NCAM2: variants seen among roughly 807,000 people sequenced by gnomAD.
NCAM2 encodes the protein N-CAM-2.
A neutral mutation model predicts 98.1 loss-of-function variants in NCAM2; 30 were observed. The observed-to-expected ratio is 0.31, with a 90% CI of 0.23 to 0.41. The LOEUF is 0.41. Among genes scored for constraint, NCAM2 ranks in the 10% least tolerant of loss-of-function variants. NCAM2 has a pLI of 1.00. For synonymous variants in NCAM2, 368 were observed against 342.4 expected, an observed-to-expected ratio of 1.07 and a Z score of -0.83; for missense variants, 867 against 1,005.8, an observed-to-expected ratio of 0.86 and a Z score of 1.87.
chr21:21,014,300 TGTAGTTC>T (rs1348097315), intron 1 of NCAM2, among the ~76,000 whole-genome samples: 1 of 151,998 alleles, frequency 6.6e-6, no homozygotes, highest in South Asian at 2.1e-4. Flanking sequence ...GGTGCACACC[TGTAGTTC>T]CAGCTACTCT....
chr21:21,411,582 T>A (rs2076888868), intron 10 of NCAM2, among the ~76,000 whole-genome samples: 1 of 152,184 alleles, frequency 6.6e-6, no homozygotes, highest in African/African-American at 2.4e-5. Context: ...TAAAAAAATC[T>A]ATGAAAATGA....
intron 9 of NCAM2, among the ~76,000 whole-genome samples, chr21:21,390,137 C>T (rs111786298): frequency 3.9e-5 from 6 of 152,070 alleles, no homozygotes; most frequent in Middle Eastern, 3.2e-3. Context: ...TGCGAGCCAC[C>T]GCGCCACCTG....
chr21:21,240,491 G>T (rs1036738410), intron 1 of NCAM2, among the ~76,000 whole-genome samples: 2 of 151,996 alleles, frequency 1.3e-5, no homozygotes, highest in African/African-American at 4.8e-5. Context: ...TCAGTTTTCT[G>T]TCTCTTTACC....
chr21:21,283,198 T>G (rs2147510101), intron 2 of NCAM2, among the ~76,000 whole-genome samples: 1 of 152,092 alleles, frequency 6.6e-6, no homozygotes, highest in South Asian at 2.1e-4. Flanking sequence ...CATGTCTAAT[T>G]TCTTATAGAA....
chr21:21,244,146 T>A (rs1252027093), intron 1 of NCAM2, among the ~76,000 whole-genome samples: 1 of 152,120 alleles, frequency 6.6e-6, no homozygotes, highest in Non-Finnish European at 1.5e-5. Context: ...TGGTGGCAAG[T>A]CCTTGAACAA....
chr21:21,158,002 A>G (rs1407265230), intron 1 of NCAM2, among the ~76,000 whole-genome samples: 2 of 152,180 alleles, frequency 1.3e-5, no homozygotes, highest in Non-Finnish European at 2.9e-5. Context: ...CCTGGGCCTG[A>G]ACCTCACTTC....
intron 8 of NCAM2, among the ~76,000 whole-genome samples, chr21:21,352,038 G>T (rs532413706): frequency 4.0e-5 from 6 of 151,818 alleles, no homozygotes; most frequent in African/African-American, 1.4e-4. Flanking sequence ...GCTCTCATCT[G>T]TTTTTGAATC....
At chr21:21,275,238 A>C (rs996369486) in intron 1 of NCAM2, among the ~76,000 whole-genome samples, 2 of 151,798 alleles carry the variant, frequency 1.3e-5, no homozygotes, top group African/African-American at 4.8e-5. Flanking sequence ...CAGGAGATTG[A>C]GACCATCCTG....
rs1388387548 is a variant in NCAM2, at chr21:21,378,830, A to G, written c.1195+4817A>G. ...ATTTTTGCAGATTGTGTGGATATAT[A>G]AATACTATTCTCTGGAATAAACATT... On this transcript the variant is annotated intron_variant, in intron 9 of 17. Coordinates refer to ENST00000400546, the MANE Select transcript of NCAM2 (RefSeq NM_004540.5). Among the ~76,000 whole-genome samples the G allele has an allele frequency of 2.0e-5, 3 of 152,112 alleles. No individual in the cohort carries two copies. The East Asian group carries it at 5.8e-4, about 29-fold the overall frequency.
intron 1 of NCAM2, among the ~76,000 whole-genome samples, chr21:21,237,567 T>A (rs936711030): frequency 6.6e-6 from 1 of 152,120 alleles, no homozygotes; most frequent in Non-Finnish European, 1.5e-5. Context: ...AAATAAAGGA[T>A]TTATATCCCA....
intron 6 of NCAM2, among the ~76,000 whole-genome samples, chr21:21,329,986 G>A (rs796503391): frequency 2.1e-4 from 32 of 152,028 alleles, no homozygotes; most frequent in African/African-American, 7.2e-4. Context: ...GTTTTCTGTA[G>A]TATTCTCCCC....
chr21:21,538,097 A>AATGT lies in NCAM2; in HGVS notation c.*142_*143insGTAT. The stretch of plus-strand genomic sequence containing the variant: ...GCTTGTACACATATACATATGATCA[A>AATGT]ATACTCCTGCCCATGATCCATTCCC... On this transcript the variant is annotated 3_prime_UTR_variant, in exon 18 of 18. Coordinates refer to ENST00000400546, the MANE Select transcript of NCAM2 (RefSeq NM_004540.5). 4.8e-6 allele frequency: 2 copies of AATGT among 418,640 alleles called. No homozygotes were observed. The highest frequency in any genetic ancestry group is 8.7e-6 in the Non-Finnish European group (2 of 229,582). The allele number at this position is 418,640 out of a possible 1,614,324, so 25.9% of individuals were successfully genotyped here.
At chr21:21,489,419 TTC>T (rs758569953) in intron 15 of NCAM2, among the ~76,000 whole-genome samples, 2 of 152,074 alleles carry the variant, frequency 1.3e-5, no homozygotes, top group Non-Finnish European at 2.9e-5. Flanking sequence ...TTCTCTCCAT[TTC>T]TCTCTTTTGT....
chr21:21,058,773 G>T (rs1271347924), intron 1 of NCAM2, among the ~76,000 whole-genome samples: 1 of 151,526 alleles, frequency 6.6e-6, no homozygotes, highest in African/African-American at 2.4e-5. Context: ...CGAAGAAAAA[G>T]AAGAGTTTTC....
At chr21:21,286,760 A>C (rs1000383072) in intron 4 of NCAM2, among the ~76,000 whole-genome samples, 4 of 151,924 alleles carry the variant, frequency 2.6e-5, no homozygotes, top group African/African-American at 9.7e-5. Context: ...TACAATCATT[A>C]GTACCTGGAG....
chr21:21,317,017 C>A (rs141062491), intron 5 of NCAM2, among the ~76,000 whole-genome samples: 268 of 152,226 alleles, frequency 1.8e-3, no homozygotes, highest in African/African-American at 6.3e-3. Context: ...TTGGAAACTG[C>A]AAAACTGCAC....
intron 1 of NCAM2, among the ~76,000 whole-genome samples, chr21:21,080,677 A>T (rs1431008951): frequency 7.5e-6 from 1 of 133,992 alleles, no homozygotes. Flanking sequence ...AAAAAAAAAA[A>T]AAACCAACAT....
chr21:21,460,315 T>C (rs527745978), intron 12 of NCAM2, among the ~76,000 whole-genome samples: 1 of 151,920 alleles, frequency 6.6e-6, no homozygotes, highest in African/African-American at 2.4e-5. Context: ...TAAGCTAGAA[T>C]CATGTTCAAA....
chr21:21,136,901 A>ATT (rs3071999), intron 1 of NCAM2, among the ~76,000 whole-genome samples: 39,487 of 150,722 alleles, frequency 0.26, 5,664 homozygotes, highest in East Asian at 0.45. Flanking sequence ...TAAATAATTG[A>ATT]TTTTTTTTTT....
Sources: gnomAD v4.1 joint callset for allele counts (sites outside exome capture counted in the v4.1 genomes callset) on GRCh38, gnomAD v4.1.1 for gene constraint, MANE v1.5 for transcripts, NCBI Gene and HGNC (gene_info 2026-07-23, HGNC 2026-07-21) for gene names.